The following GANC variants were observed in gnomAD, a reference collection of about 807,000 sequenced individuals.
GANC encodes glucosidase alpha, neutral C, also known as neutral alpha-glucosidase C.
Under a neutral mutation model 124.2 loss-of-function variants are expected in GANC, and 117 were observed. That is an observed-to-expected ratio of 0.94 (90% CI 0.81 to 1.10). The LOEUF (loss-of-function observed/expected upper bound fraction) is 1.10. GANC is among the 50% of genes least tolerant of loss of function. GANC has a pLI of 0.00. For synonymous variants in GANC, 377 were observed against 376.8 expected (o/e 1.00, Z -0.01); for missense variants, 1,140 against 1,095.0 (o/e 1.04, Z -0.58).
At chr15:42,349,327 C>G (rs2052398774) in intron 21 of GANC, 56 bp from the exon 22 acceptor site, 3 of 1,104,188 alleles carry the variant, frequency 2.7e-6, no homozygotes, top group African/African-American at 1.5e-5. Flanking sequence ...AGCTGACATT[C>G]TTTTCCTGTA....
At chr15:42,284,285 T>G in intron 3 of GANC, 1 of 438,732 alleles carries the variant, frequency 2.3e-6, no homozygotes, top group African/African-American at 2.0e-5. Flanking sequence ...AATAAAAAGT[T>G]TTTGTTTTAA....
chr15:42,348,503 A>G (rs1025963811), intron 21 of GANC, among the ~76,000 whole-genome samples: 1 of 152,174 alleles, frequency 6.6e-6, no homozygotes, highest in Non-Finnish European at 1.5e-5. Flanking sequence ...TTTGGGCCAT[A>G]GACAGCCTTC....
chr15:42,340,572 C>G, intron 17 of GANC, 118 bp from the exon 18 acceptor site: 1 of 765,744 alleles, frequency 1.3e-6, no homozygotes, highest in Admixed American at 2.8e-5. Context: ...CCACGGCATT[C>G]CAGCCTGGGC....
At position 42,339,996 on chromosome 15, in the gene GANC, G is replaced by A. The variant is rs868851432; in HGVS notation, c.2087+84G>A. 3.7e-5 allele frequency: 55 copies of A among 1,467,096 alleles called. No homozygotes were observed. The Middle Eastern group carries it at 1.1e-3, about 29-fold the overall frequency. The allele number at this position is 1,467,096 out of a possible 1,614,324, so 90.9% of individuals were successfully genotyped here. On this transcript the variant is annotated intron_variant, in intron 17 of 23. Transcript: ENST00000318010. ...GTGATTAAAGAATGCAATAATTACA[G>A]TGATTTCAAGAGAAAGGTGAAGAAA... is the stretch of plus-strand genomic sequence containing the variant.
At chr15:42,341,034 G>T (rs2052326207) in intron 18 of GANC, among the ~76,000 whole-genome samples, 3 of 150,680 alleles carry the variant, frequency 2.0e-5, no homozygotes. Context: ...AAAGTGCTGG[G>T]ATTACAGGCG....
chr15:42,340,526 C>A (rs1023779204), intron 17 of GANC, among the ~76,000 whole-genome samples, 164 bp from the exon 18 acceptor site: 2 of 151,404 alleles, frequency 1.3e-5, no homozygotes, highest in Non-Finnish European at 2.9e-5. Flanking sequence ...ATCGGTTGAA[C>A]CCAAGAGGCG....
At chr15:42,329,546 A>T in intron 14 of GANC, 97 bp downstream of exon 14, 3 of 1,296,814 alleles carry the variant, frequency 2.3e-6, no homozygotes, top group Admixed American at 2.5e-5. Context: ...TCTACTGTTC[A>T]TTTCTCTTTG....
intron 14 of GANC, 69 bp from the exon 15 acceptor site, chr15:42,330,507 G>A: frequency 9.4e-7 from 1 of 1,067,944 alleles, no homozygotes; most frequent in Admixed American, 1.9e-5. Flanking sequence ...TTGTATGTTA[G>A]ATAGCTTATT....
intron 20 of GANC, among the ~76,000 whole-genome samples, chr15:42,347,214 G>C (rs529935159): frequency 6.6e-6 from 1 of 151,750 alleles, no homozygotes; most frequent in East Asian, 1.9e-4. Context: ...TGGCCAGTGA[G>C]GAAGGGGCAT....
At chr15:42,295,036 A>G (rs2051877579) in intron 5 of GANC, among the ~76,000 whole-genome samples, 2 of 143,584 alleles carry the variant, frequency 1.4e-5, no homozygotes, top group South Asian at 4.4e-4. Flanking sequence ...CAGTGGCATG[A>G]TCTTGGCTCA....
At chr15:42,284,006 CT>C (rs1352575234) in intron 3 of GANC, 2 of 702,318 alleles carry the variant, frequency 2.8e-6, no homozygotes, top group Admixed American at 2.0e-5. Flanking sequence ...ATTTAATGAA[CT>C]ATTAGACCAT....
rs2052302066 is a variant in GANC, at chr15:42,338,493, A to G, written c.1843+3A>G. On this transcript the variant is annotated splice_donor_region_variant and intron_variant, in intron 16 of 23. Coordinates refer to ENST00000318010, the MANE Select transcript of GANC (RefSeq NM_198141.3). Reference sequence around the variant, plus strand: ...TACTGGGATCTCTTTTTGCGGAGGTAAGATGAGTCCTTTGAGGCTTGAAGT... The same window carrying G: ...TACTGGGATCTCTTTTTGCGGAGGTGAGATGAGTCCTTTGAGGCTTGAAGT... 3.8e-6 allele frequency: 6 copies of G among 1,597,172 alleles called. No homozygotes were observed. The highest frequency in any genetic ancestry group is 2.7e-5 in the African/African-American group (2 of 74,608).
chr15:42,333,999 C>T (rs763447648), intron 15 of GANC, among the ~76,000 whole-genome samples: 1 of 152,078 alleles, frequency 6.6e-6, no homozygotes, highest in African/African-American at 2.4e-5. Context: ...GGAGAAATTA[C>T]AATTTCTTTT....
At chr15:42,285,579 G>A (rs1374387391) in intron 3 of GANC, among the ~76,000 whole-genome samples, 1 of 152,130 alleles carries the variant, frequency 6.6e-6, no homozygotes, top group Admixed American at 6.6e-5. Context: ...AGGATCACTG[G>A]AGGTCAGGAG....
intron 21 of GANC, 25 bp from the exon 22 acceptor site, chr15:42,349,358 T>G: frequency 7.4e-7 from 1 of 1,348,464 alleles, no homozygotes. Context: ...ATAAGCACAT[T>G]CTGTCTCTGT....
intron 10 of GANC, among the ~76,000 whole-genome samples, chr15:42,316,077 C>G (rs1479864768): frequency 6.6e-6 from 1 of 151,754 alleles, no homozygotes; most frequent in Non-Finnish European, 1.5e-5. Context: ...TCTGAAGAAC[C>G]CTAACTGATA....
At position 42,308,257 on chromosome 15, in the gene GANC, G is replaced by A. The variant is rs1170319050; in HGVS notation, c.661G>A (p.Gly221Arg). The change falls in exon 8 of 24, where the codon GGA becomes AGA. Residue 221 changes from glycine to arginine, a missense_variant. Gly to Arg is a moderately radical substitution (Grantham distance 125). Transcript: ENST00000318010. ...SSIGLDFSLHGFEHLYGIPQH... is the reference protein window; with the variant it reads ...SSIGLDFSLHRFEHLYGIPQH... ...TATTGGTTTGGATTTCTCCTTGCATGGATTTGAGCATCTTTATGGGATCCC... is the reference window on the plus strand; with the variant it reads ...TATTGGTTTGGATTTCTCCTTGCATAGATTTGAGCATCTTTATGGGATCCC... 6.2e-7 allele frequency: 1 copy of A among 1,609,020 alleles called. No individual in the cohort carries two copies. The highest frequency in any genetic ancestry group is 1.3e-5 in the African/African-American group (1 of 74,964).
chr15:42,324,754 TAG>T (rs984276126), intron 11 of GANC, among the ~76,000 whole-genome samples: 1 of 152,138 alleles, frequency 6.6e-6, no homozygotes, highest in Non-Finnish European at 1.5e-5. Context: ...GTCATATTCA[TAG>T]AGACAGAAAG....
intron 21 of GANC, among the ~76,000 whole-genome samples, chr15:42,349,075 T>C (rs1314303283): frequency 2.0e-5 from 3 of 152,242 alleles, no homozygotes; most frequent in African/African-American, 7.2e-5. Flanking sequence ...ATGAACTTTC[T>C]TGGCCTTGTT....
Sources: allele counts gnomAD v4.1 joint callset (sites outside exome capture counted in the v4.1 genomes callset), GRCh38; gene constraint gnomAD v4.1.1; transcripts MANE v1.5; gene names NCBI Gene and HGNC (gene_info 2026-07-23, HGNC 2026-07-21).